EPB42: variants seen among roughly 807,000 people sequenced by gnomAD.
EPB42 encodes the protein erythrocyte membrane protein band 4.2.
A neutral mutation model predicts 76.9 loss-of-function variants in EPB42; 49 were observed. The ratio of observed to expected loss-of-function variants is 0.64; its 90% CI spans 0.51 to 0.81. The LOEUF is 0.81. Ranked by LOEUF, EPB42 falls within the 30% of genes least tolerant of loss-of-function variation. The pLI is 0.00. For missense variants in EPB42, 731 were observed against 867.6 expected, an observed-to-expected ratio of 0.84 and a Z score of 1.98; for synonymous variants, 310 against 338.4, an observed-to-expected ratio of 0.92 and a Z score of 0.92.
rs2042236922 is a variant in EPB42 at position 43,208,303 on chromosome 15, C to T, written c.1002G>A (p.Met334Ile). 1 of 1,613,998 alleles carries T rather than the reference C, an allele frequency of 6.2e-7. No homozygotes were observed. The highest frequency in any genetic ancestry group is 8.5e-7 in the Non-Finnish European group (1 of 1,180,012). Reference protein sequence around the residue: ...WIFQTSTECWMTRPALPQGYD... With the variant: ...WIFQTSTECWITRPALPQGYD... ...AACCCTGGGGCAAGGCAGGCCGCGT[C>T]ATCCAGCACTCTGTGGAAGTCTGGA... The change falls in exon 8 of 13, where the codon ATG becomes ATA. Residue 334 changes from methionine to isoleucine, a missense_variant. Transcript: ENST00000441366.
upstream of EPB42, among the ~76,000 whole-genome samples, chr15:43,221,630 T>C (rs77640130): frequency 0.047 from 7,206 of 152,106 alleles, 567 homozygotes; most frequent in African/African-American, 0.16. Flanking sequence ...CAGAAGCACT[T>C]TCAGGGCAGC....
intron 12 of EPB42, 119 bp downstream of exon 12, chr15:43,201,725 A>C: frequency 6.9e-7 from 1 of 1,440,022 alleles, no homozygotes. Flanking sequence ...CCTTTAGTTT[A>C]GTTTCTAGGG....
intron 3 of EPB42, among the ~76,000 whole-genome samples, chr15:43,213,476 C>G (rs2042331087): frequency 1.3e-5 from 2 of 152,166 alleles, no homozygotes; most frequent in Admixed American, 1.3e-4. Flanking sequence ...CAGAGAGGCC[C>G]TCCCTAGGCA....
rs372928280 is a variant in EPB42 at position 43,220,765 on chromosome 15, C to G, written c.10+51G>C. The G allele has an allele frequency of 1.4e-5, 22 of 1,612,486 alleles. No individual in the cohort carries two copies. The South Asian group carries it at 2.4e-4, about 18-fold the overall frequency. ...CCTTTAATGAAAACAGGTGATGCTG[C>G]GGGGGCTGCATACAGTCCAGCAAGC... On this transcript the variant is annotated intron_variant, in intron 1 of 12. Coordinates refer to ENST00000441366, the MANE Select transcript of EPB42 (RefSeq NM_001114134.2).
intron 5 of EPB42, 23 bp from the exon 6 acceptor site, chr15:43,209,474 G>GTTAGTA (rs2042259265): frequency 1.2e-6 from 2 of 1,600,690 alleles, no homozygotes; most frequent in South Asian, 1.1e-5. Context: ...ATGTGTGGAT[G>GTTAGTA]TCAGTATGAG....
In EPB42 at chr15:43,201,843, C is replaced by T; in HGVS notation, c.1913+1G>A. On this transcript the variant is annotated splice_donor_variant, in intron 12 of 12. Coordinates refer to ENST00000441366, the MANE Select transcript of EPB42 (RefSeq NM_001114134.2). LOFTEE classifies it high-confidence loss of function. ...GGGATGAGAAGCCTGCCATCACTTA[C>T]CTGTAGCTCCTCTCTCTGTGAATGA... The T allele has an allele frequency of 6.2e-7, 1 of 1,614,226 alleles. No individual in the cohort carries two copies. Among genetic ancestry groups the T allele is most frequent in the Non-Finnish European group, 8.5e-7 (1 of 1,180,024 alleles).
chr15:43,216,157 G>T, intron 2 of EPB42, 111 bp downstream of exon 2: 1 of 1,356,328 alleles, frequency 7.4e-7, no homozygotes, highest in Non-Finnish European at 1.0e-6. Context: ...GACTTCTTAC[G>T]GCCCAGCTGC....
intron 3 of EPB42, 121 bp downstream of exon 3, chr15:43,214,974 G>C (rs1408458638): frequency 1.2e-6 from 1 of 845,978 alleles, no homozygotes; most frequent in Non-Finnish European, 2.0e-6. Flanking sequence ...CTGGGTGTTG[G>C]TGCTGTCCTT....
In EPB42 at chr15:43,216,322, G is replaced by A. The variant is rs1465197673; in HGVS notation, c.142C>T (p.Pro48Ser). ...AGGGCAGGCAGAAATGCACGGACTG[G>A]AGCGCGGAAGTACAGGATGATGGTG... is the stretch of plus-strand genomic sequence containing the variant. ...PFTIILYFRA[P>S]VRAFLPALKK... is the part of the protein sequence containing the mutation. Residue 48 changes from proline to serine, a missense_variant, in exon 2 of 13, where the codon CCA (proline) becomes TCA (serine). Physicochemically the swap from Pro to Ser is moderately conservative, Grantham distance 74 (BLOSUM62 -1). Transcript: ENST00000441366. 3 of 1,614,178 alleles carry A rather than the reference G, an allele frequency of 1.9e-6. No individual in the cohort carries two copies. Among genetic ancestry groups the A allele is most frequent in the Non-Finnish European group, 2.5e-6 (3 of 1,180,044 alleles).
chr15:43,208,598 C>T, intron 7 of EPB42, 39 bp downstream of exon 7: 2 of 1,613,802 alleles, frequency 1.2e-6, no homozygotes, highest in South Asian at 2.2e-5. Context: ...GGTTGGAGCC[C>T]TTCCTGGACT....
chr15:43,214,772 A>G (rs1480496156), intron 3 of EPB42, among the ~76,000 whole-genome samples: 1 of 152,154 alleles, frequency 6.6e-6, no homozygotes, highest in Non-Finnish European at 1.5e-5. Flanking sequence ...AATGAAGGGC[A>G]GCTTTCCCAG....
chr15:43,208,806 C>T (rs775675717), intron 6 of EPB42, 31 bp from the exon 7 acceptor site: 18 of 1,610,348 alleles, frequency 1.1e-5, no homozygotes, highest in African/African-American at 8.0e-5. Context: ...TGTCAGGGGG[C>T]GCTTGAGAGA....
At chr15:43,200,458 T>C (rs1165636381) in intron 12 of EPB42, among the ~76,000 whole-genome samples, 1 of 152,114 alleles carries the variant, frequency 6.6e-6, no homozygotes, top group African/African-American at 2.4e-5. Flanking sequence ...ACCTGGACTA[T>C]ACAGGAAACT....
rs1382847572 is a variant in EPB42, at chr15:43,207,268, T to C, written c.1249A>G (p.Asn417Asp). ...CTGCCCACACCCTTGGTGCTGATGT[T>C]GTTGCCAACATACTTTGTGTTGGAG... The part of the protein sequence containing the change: ...TDSNTKYVGN[N>D]ISTKGVGSDR... The change falls in exon 9 of 13, where the codon AAC (asparagine) becomes GAC (aspartate). Residue 417 changes from asparagine to aspartate, a missense_variant. Coordinates refer to ENST00000441366, the MANE Select transcript of EPB42 (RefSeq NM_001114134.2). The C allele has an allele frequency of 6.2e-7, 1 of 1,614,180 alleles. No individual in the cohort carries two copies. Among genetic ancestry groups the C allele is most frequent in the East Asian group, 2.2e-5 (1 of 44,880 alleles).
intron 1 of EPB42, among the ~76,000 whole-genome samples, chr15:43,217,358 G>A (rs1316649159): frequency 6.6e-6 from 1 of 152,158 alleles, no homozygotes; most frequent in African/African-American, 2.4e-5. Context: ...CCCAGGAGCA[G>A]AAGCTTGTAT....
intron 3 of EPB42, among the ~76,000 whole-genome samples, chr15:43,213,437 CCAGA>C (rs2042330425): frequency 6.6e-6 from 1 of 152,184 alleles, no homozygotes. Context: ...TCTCCCCTGC[CCAGA>C]CAGAGACCTC....
At chr15:43,200,817 A>AT (rs34556953) in intron 12 of EPB42, among the ~76,000 whole-genome samples, 140,483 of 143,762 alleles carry the variant, frequency 0.98, 68,672 homozygotes, top group East Asian at 1. Context: ...ACTCCACCAA[A>AT]TTTTTTTTTT....
At chr15:43,221,151 C>A (rs980931366), upstream of EPB42, 98 of 399,430 alleles carry the variant, frequency 2.5e-4, 1 homozygote, top group African/African-American at 1.8e-3. Flanking sequence ...GGAAGACCTG[C>A]CAACTAGAGA....
In EPB42 at chr15:43,209,018, G is replaced by C. The variant is rs534528948; in HGVS notation, c.833-243C>G. Among the ~76,000 whole-genome samples the C allele has an allele frequency of 6.6e-5, 10 of 152,346 alleles. No homozygotes were observed. The East Asian group carries it at 1.7e-3, about 26-fold the overall frequency. On this transcript the variant is annotated intron_variant, in intron 6 of 12. Transcript: ENST00000441366. ...ACAGAGCATAGAACACAGCGCTGCG[G>C]GGCTGCTCTGCTAGGGCAGGGTTAG...
Sources: gnomAD v4.1 joint callset for allele counts (sites outside exome capture counted in the v4.1 genomes callset) on GRCh38, gnomAD v4.1.1 for gene constraint, MANE v1.5 for transcripts, NCBI Gene and HGNC (gene_info 2026-07-23, HGNC 2026-07-21) for gene names.